FSIP1: variants seen among roughly 807,000 people sequenced by gnomAD.
The protein encoded by FSIP1 is fibrous sheath-interacting protein 1.
FSIP1 carries 65 observed loss-of-function variants against 60.9 expected under a neutral mutation model. The observed-to-expected ratio is 1.07, with a 90% CI of 0.87 to 1.31. The LOEUF is 1.31. Among genes scored for constraint, FSIP1 ranks in the 40% most tolerant of loss-of-function variants. The pLI is 0.00. For missense variants in FSIP1, 675 were observed against 665.5 expected (o/e 1.01, Z -0.16); for synonymous variants, 209 against 221.2 (o/e 0.94, Z 0.49).
chr15:39,615,229 A>C (rs1190340236), intron 11 of FSIP1, among the ~76,000 whole-genome samples: 1 of 152,106 alleles, frequency 6.6e-6, no homozygotes, highest in Non-Finnish European at 1.5e-5. Context: ...TTTTAATACG[A>C]CCTTGAAGGC....
intron 10 of FSIP1, among the ~76,000 whole-genome samples, chr15:39,691,973 T>C (rs1894619816): frequency 6.6e-6 from 1 of 152,218 alleles, no homozygotes; most frequent in South Asian, 2.1e-4. Flanking sequence ...TCCTGTTTTG[T>C]GCTGTCAGTA....
chr15:39,617,248 C>G (rs2140379474), intron 11 of FSIP1, among the ~76,000 whole-genome samples: 1 of 152,172 alleles, frequency 6.6e-6, no homozygotes, highest in East Asian at 1.9e-4. Context: ...ATGACCATTG[C>G]AAGATGAAAC....
intron 10 of FSIP1, among the ~76,000 whole-genome samples, chr15:39,682,957 T>C (rs961291386): frequency 6.6e-6 from 1 of 152,216 alleles, no homozygotes; most frequent in Admixed American, 6.5e-5. Flanking sequence ...CCAGAGATGA[T>C]TCCAGTTGAT....
At chr15:39,661,157 G>C (rs967210177) in intron 10 of FSIP1, among the ~76,000 whole-genome samples, 1 of 152,198 alleles carries the variant, frequency 6.6e-6, no homozygotes, top group African/African-American at 2.4e-5. Flanking sequence ...AAACACACTA[G>C]ATTGTTGGTA....
At chr15:39,692,038 G>C (rs2631712) in intron 10 of FSIP1, among the ~76,000 whole-genome samples, 126,135 of 152,152 alleles carry the variant, frequency 0.83, 52,820 homozygotes, top group Non-Finnish European at 0.89. Flanking sequence ...TGCTGCAAAA[G>C]GATTATTTTC....
chr15:39,766,267 T>C (rs1000716850), intron 3 of FSIP1, among the ~76,000 whole-genome samples: 1 of 152,234 alleles, frequency 6.6e-6, no homozygotes, highest in Admixed American at 6.5e-5. Flanking sequence ...TCTATGTAGC[T>C]TGTATCTTTT....
intron 9 of FSIP1, among the ~76,000 whole-genome samples, chr15:39,721,110 A>C (rs1895951538): frequency 1.3e-5 from 2 of 152,188 alleles, no homozygotes; most frequent in Non-Finnish European, 2.9e-5. Flanking sequence ...CCATAAGGAA[A>C]AGAAGACTTC....
chr15:39,638,996 T>A (rs1892249771), intron 10 of FSIP1, among the ~76,000 whole-genome samples: 1 of 152,214 alleles, frequency 6.6e-6, no homozygotes, highest in Non-Finnish European at 1.5e-5. Flanking sequence ...AATATAAAGG[T>A]ATACATTTAG....
At chr15:39,759,442 G>A (rs980317909) in intron 5 of FSIP1, among the ~76,000 whole-genome samples, 3 of 151,916 alleles carry the variant, frequency 2.0e-5, no homozygotes, top group East Asian at 3.9e-4. Flanking sequence ...ATCCATCGTT[G>A]GCATAGAAAA....
At chr15:39,615,430 A>AAAAAAAAAAAAAC (rs1555386844) in intron 11 of FSIP1, among the ~76,000 whole-genome samples, 1 of 147,780 alleles carries the variant, frequency 6.8e-6, no homozygotes, top group African/African-American at 2.5e-5. Context: ...AAAAAAAAAA[A>AAAAAAAAAAAAAC]ATTAAAAAAT....
chr15:39,767,227 T>C (rs1361373651), intron 3 of FSIP1, among the ~76,000 whole-genome samples: 2 of 152,224 alleles, frequency 1.3e-5, no homozygotes, highest in South Asian at 4.1e-4. Context: ...AGGAGGTTCC[T>C]TGAATCTTAT....
At chr15:39,604,925 T>A (rs1890768161) in intron 11 of FSIP1, among the ~76,000 whole-genome samples, 1 of 152,164 alleles carries the variant, frequency 6.6e-6, no homozygotes, top group Middle Eastern at 3.2e-3. Flanking sequence ...GACTATACTA[T>A]AACAAAGAAA....
At chr15:39,730,371 G>A (rs1686188237) in intron 8 of FSIP1, among the ~76,000 whole-genome samples, 1 of 152,126 alleles carries the variant, frequency 6.6e-6, no homozygotes, top group Admixed American at 6.5e-5. Flanking sequence ...AAACCCTGGG[G>A]GCTATGAGAA....
intron 10 of FSIP1, among the ~76,000 whole-genome samples, chr15:39,710,523 TG>T (rs1393469895): frequency 6.6e-6 from 1 of 151,108 alleles, no homozygotes; most frequent in Non-Finnish European, 1.5e-5. Flanking sequence ...CCTCTGAAAG[TG>T]TTGACTATAA....
At chr15:39,658,317 A>G (rs1566872952) in intron 10 of FSIP1, among the ~76,000 whole-genome samples, 2 of 141,976 alleles carry the variant, frequency 1.4e-5, no homozygotes, top group Non-Finnish European at 3.0e-5. Flanking sequence ...TAGTGGCGCG[A>G]TCTCAGCTCA....
intron 11 of FSIP1, among the ~76,000 whole-genome samples, chr15:39,605,425 C>T (rs1263815842): frequency 6.6e-5 from 10 of 152,178 alleles, no homozygotes; most frequent in Non-Finnish European, 1.3e-4. Context: ...AACTTTATTG[C>T]CGGGAAGTAT....
intron 10 of FSIP1, among the ~76,000 whole-genome samples, chr15:39,646,470 G>T (rs913083136): frequency 1.4e-5 from 2 of 138,936 alleles, no homozygotes; most frequent in African/African-American, 5.7e-5. Context: ...GATTGCTTGA[G>T]GCCAGGAGTT....
At position 39,600,166 on chromosome 15, in the gene FSIP1, C is replaced by T. The variant is rs1471233417; in HGVS notation, c.*714G>A. The T allele has an allele frequency of 2.6e-5, 4 of 152,212 alleles. No individual in the cohort carries two copies. The highest frequency in any genetic ancestry group is 2.6e-4 in the Admixed American group (4 of 15,288). 9.4% of individuals were successfully genotyped at this position (152,212 alleles called of 1,614,324 possible). On this transcript the variant is annotated 3_prime_UTR_variant, in exon 12 of 12. Coordinates refer to ENST00000350221, the MANE Select transcript of FSIP1 (RefSeq NM_152597.5). ...GTCAACACAAAATTTTCTCATGAAT[C>T]TAAGTTACTGACTTGTAACTAAACC...
chr15:39,678,635 T>G (rs1268465795), intron 10 of FSIP1, among the ~76,000 whole-genome samples: 3 of 152,232 alleles, frequency 2.0e-5, no homozygotes, highest in African/African-American at 7.2e-5. Context: ...AATTTTACTT[T>G]CTAAAAATAA....
Sources: allele counts gnomAD v4.1 joint callset (sites outside exome capture counted in the v4.1 genomes callset), GRCh38; gene constraint gnomAD v4.1.1; transcripts MANE v1.5; gene names NCBI Gene and HGNC (gene_info 2026-07-23, HGNC 2026-07-21).